PHF23: variants seen among roughly 807,000 people sequenced by gnomAD.
PHF23 encodes the protein PHD finger protein 23, also known as PDH-containing protein JUNE-1.
PHF23 carries 3 observed loss-of-function variants against 36.0 expected under a neutral mutation model. The ratio of observed to expected loss-of-function variants is 0.08; its 90% confidence interval spans 0.04 to 0.22. The LOEUF is 0.22. Ranked by LOEUF, PHF23 falls within the 10% of genes least tolerant of loss-of-function variation. The pLI, the probability that PHF23 is intolerant of heterozygous loss-of-function variation, is 1.00. For missense variants in PHF23, 475 were observed against 513.6 expected, an observed-to-expected ratio of 0.92 and a Z score of 0.73; for synonymous variants, 242 against 192.5, an observed-to-expected ratio of 1.26 and a Z score of -2.13.
intron 1 of PHF23, 28 bp from the exon 2 acceptor site, chr17:7,237,688 G>A (rs1214893506): frequency 6.2e-7 from 1 of 1,612,978 alleles, no homozygotes; most frequent in East Asian, 2.2e-5. Flanking sequence ...GCTGAGTCAA[G>A]ACACTAGGAA....
In PHF23 at chr17:7,235,842, TG is replaced by T; in HGVS notation, c.998-3del. 6.2e-7 allele frequency: 1 copy of T among 1,613,298 alleles called. No homozygotes were observed. The highest frequency in any genetic ancestry group is 8.5e-7 in the Non-Finnish European group (1 of 1,179,858). On this transcript the variant is annotated splice_region_variant and splice_polypyrimidine_tract_variant and intron_variant, in intron 4 of 4. Coordinates refer to ENST00000320316, the MANE Select transcript of PHF23 (RefSeq NM_024297.3). Reference sequence around the variant, plus strand: ...TGATCAGATCCCATGAGTCATCACCTGGGGAAAAAAAGGTTTGTTTGGTATT... The same window carrying T: ...TGATCAGATCCCATGAGTCATCACCTGGGAAAAAAAGGTTTGTTTGGTATT...
Position 7,235,454 on chromosome 17 carries a change from G to C in PHF23, c.*172C>G. The C allele has an allele frequency of 5.9e-6, 4 of 675,024 alleles. No individual in the cohort carries two copies. The South Asian group carries it at 7.3e-5, about 12-fold the overall frequency. The allele number at this position is 675,024 out of a possible 1,614,324, so 41.8% of individuals were successfully genotyped here. Reference sequence around the variant, plus strand: ...TTCAATTTCAAGTCCACAGAGTGGGGAGGAAGGATAGGGTGGGAAAGTGAG... The same window carrying C: ...TTCAATTTCAAGTCCACAGAGTGGGCAGGAAGGATAGGGTGGGAAAGTGAG... On this transcript the variant is annotated 3_prime_UTR_variant, in exon 5 of 5. Transcript: ENST00000320316.
upstream of PHF23, chr17:7,240,151 A>T (rs1456745289): frequency 6.6e-6 from 1 of 152,256 alleles, no homozygotes; most frequent in African/African-American, 2.4e-5. Flanking sequence ...ATTTTTTTTT[A>T]CATGAGCATT....
intron 1 of PHF23, chr17:7,237,988 G>T (rs929285362): frequency 7.2e-6 from 2 of 276,920 alleles, no homozygotes; most frequent in South Asian, 5.4e-5. Context: ...CGCTCCCGGG[G>T]CCGCGTCCGG....
Position 7,236,815 on chromosome 17 carries a change from C to A in PHF23, c.160-48G>T. On this transcript the variant is annotated intron_variant, in intron 3 of 4. Coordinates refer to ENST00000320316, the MANE Select transcript of PHF23 (RefSeq NM_024297.3). This position sits in a 1 kb window ranked among gnomAD's most constrained non-coding sequence, Gnocchi z 5.1. ...GGTCAGCAGAACCCCAGTGTCATCT[C>A]AGCCCCTCCACAAACCCAGCTTGAA... The A allele has an allele frequency of 6.4e-7, 1 of 1,550,540 alleles. No homozygotes were observed. The highest frequency in any genetic ancestry group is 8.7e-7 in the Non-Finnish European group (1 of 1,153,266).
At chr17:7,238,973 T>C in intron 1 of PHF23, 2 of 1,477,018 alleles carry the variant, frequency 1.4e-6, no homozygotes, top group Non-Finnish European at 1.8e-6. Context: ...AATCTGCCGG[T>C]GGCCCTTTCG....
chr17:7,237,671 A>C lies in PHF23; in HGVS notation c.35-11T>G. The stretch of plus-strand genomic sequence containing the variant: ...GGGTCGGAGGTGGATCTGGAAAAGC[A>C]ATAAAAGCTGAGTCAAGACACTAGG... On this transcript the variant is annotated splice_polypyrimidine_tract_variant and intron_variant, in intron 1 of 4. Coordinates refer to ENST00000320316, the MANE Select transcript of PHF23 (RefSeq NM_024297.3). 2.5e-6 allele frequency: 4 copies of C among 1,613,766 alleles called. No homozygotes were observed. Among genetic ancestry groups the C allele is most frequent in the Non-Finnish European group, 3.4e-6 (4 of 1,179,836 alleles).
chr17:7,237,648 G>A lies in PHF23; in HGVS notation c.47C>T (p.Thr16Ile), dbSNP rs752162300. 6 of 1,613,826 alleles carry A rather than the reference G, an allele frequency of 3.7e-6. No individual in the cohort carries two copies. Among genetic ancestry groups the A allele is most frequent in the African/African-American group, 1.3e-5 (1 of 74,886 alleles). The change falls in exon 2 of 5, where the codon ACC (threonine) becomes ATC (isoleucine). Residue 16 changes from threonine (T) to isoleucine (I), a missense_variant. Physicochemically the swap from Thr to Ile is moderately conservative, Grantham distance 89. Around this residue, in one of 5 missense-constraint regions of PHF23, gnomAD observed 54 missense variants for 42.0 expected, o/e 1.28. Coordinates refer to ENST00000320316, the MANE Select transcript of PHF23 (RefSeq NM_024297.3). ...CCTCACCTGAGTCTCTGGCTTAAGG[G>A]TCGGAGGTGGATCTGGAAAAGCAAT... The part of the protein sequence containing the change: ...AEPSPEDPPP[T>I]LKPETQPPEK...
At position 7,235,234 on chromosome 17, in the gene PHF23, G is replaced by A. The variant is rs151232927; in HGVS notation, c.*392C>T. On this transcript the variant is annotated 3_prime_UTR_variant, in exon 5 of 5. Transcript: ENST00000320316. ...CAAAATTAAAAATACAACCGGTGTA[G>A]AAGAAAATAAATGGGGAGTGAAATA... The A allele has an allele frequency of 1.9e-5, 5 of 258,332 alleles. No individual in the cohort carries two copies. Among genetic ancestry groups the A allele is most frequent in the African/African-American group, 4.4e-5 (2 of 45,512 alleles). 16.0% of individuals were successfully genotyped at this position (258,332 alleles called of 1,614,324 possible).
At chr17:7,239,803 AG>A (rs1447040705), upstream of PHF23, 1 of 152,682 alleles carries the variant, frequency 6.5e-6, no homozygotes, top group Non-Finnish European at 1.5e-5. Flanking sequence ...AAGAGGAAGA[AG>A]GGATTAGAAC....
rs2071637777 is a variant in PHF23 at position 7,235,470 on chromosome 17, GGAAAGTGA to G, written c.*148_*155del. On this transcript the variant is annotated 3_prime_UTR_variant, in exon 5 of 5. Transcript: ENST00000320316. The stretch of plus-strand genomic sequence containing the variant: ...CAGAGTGGGGAGGAAGGATAGGGTG[GGAAAGTGA>G]GACACTCATTTTCAAACAAGTCTCC... The G allele has an allele frequency of 1.3e-6, 1 of 753,354 alleles. No individual in the cohort carries two copies. The highest frequency in any genetic ancestry group is 2.2e-6 in the Non-Finnish European group (1 of 458,552). 46.7% of individuals were successfully genotyped at this position (753,354 alleles called of 1,614,324 possible). A position where few individuals can be genotyped will look rare whatever the true frequency, so the allele number is the denominator to read the frequency against.
chr17:7,240,654 A>G (rs986674699), upstream of PHF23: 8 of 553,110 alleles, frequency 1.4e-5, no homozygotes, highest in Middle Eastern at 9.2e-4. Context: ...AGGGGAAGAA[A>G]GGAGAAAGGA....
chr17:7,236,354 T>C lies in PHF23; in HGVS notation c.573A>G (p.Gly191=), dbSNP rs367583878. ...GAAGCACCCCAAAGCCAGCCCCAGCTCCTGGCCCCAACTTTCGGTTCTTTC... is the reference window on the plus strand; with the variant it reads ...GAAGCACCCCAAAGCCAGCCCCAGCCCCTGGCCCCAACTTTCGGTTCTTTC... ...KDRKNRKLGP[G]AGAGFGVLRR... Residue 191 remains glycine, a synonymous_variant, in exon 4 of 5, where the codon GGA becomes GGG. Coordinates refer to ENST00000320316, the MANE Select transcript of PHF23 (RefSeq NM_024297.3). The surrounding 1 kb of genome is among the most constrained non-coding windows in gnomAD (Gnocchi z 5.1). The C allele has an allele frequency of 5.0e-6, 8 of 1,614,096 alleles. No homozygotes were observed. Among genetic ancestry groups the C allele is most frequent in the Non-Finnish European group, 6.8e-6 (8 of 1,180,014 alleles).
rs1034247670 is a variant in PHF23, at chr17:7,238,924, G to A, written c.34+322C>T. On this transcript the variant is annotated intron_variant, in intron 1 of 4. Coordinates refer to ENST00000320316, the MANE Select transcript of PHF23 (RefSeq NM_024297.3). ...CGTCCTCCCTCCTGAGCAACTCTCC[G>A]GCCACTGGATTCCCCTAACCTTCCA... The A allele has an allele frequency of 3.3e-6, 5 of 1,523,458 alleles. 1 individual carries two copies. In the South Asian group the frequency reaches 3.6e-5, roughly 11 times the overall value. 94.4% of individuals were successfully genotyped at this position (1,523,458 alleles called of 1,614,324 possible).
Position 7,238,977 on chromosome 17 carries a change from C to T in PHF23, c.34+269G>A. On this transcript the variant is annotated intron_variant, in intron 1 of 4. Transcript: ENST00000320316. ...TCCAGGGCCCCAATCTGCCGGTGGC[C>T]CTTTCGGGCCCTAACCCCCGAGGCT... 2.0e-6 allele frequency: 3 copies of T among 1,471,768 alleles called. No homozygotes were observed. In the South Asian group the frequency reaches 4.1e-5, roughly 20 times the overall value. The allele number at this position is 1,471,768 out of a possible 1,614,324, so 91.2% of individuals were successfully genotyped here. A position where few individuals can be genotyped will look rare whatever the true frequency, so the allele number is the denominator to read the frequency against.
chr17:7,235,624 C>T lies in PHF23; in HGVS notation c.*2G>A. The T allele has an allele frequency of 3.7e-6, 6 of 1,612,718 alleles. No homozygotes were observed. The highest frequency in any genetic ancestry group is 2.2e-5 in the East Asian group (1 of 44,884). On this transcript the variant is annotated 3_prime_UTR_variant, in exon 5 of 5. Transcript: ENST00000320316. ...GGAAGTTCCAGGCTAAAGTTGGTGCCATCAGGGCTCTCCAGATTTGGGAGG... is the reference window on the plus strand; with the variant it reads ...GGAAGTTCCAGGCTAAAGTTGGTGCTATCAGGGCTCTCCAGATTTGGGAGG...
chr17:7,237,116 C>A (rs2071685231), intron 3 of PHF23, among the ~76,000 whole-genome samples: 1 of 152,176 alleles, frequency 6.6e-6, no homozygotes. Flanking sequence ...TAAACACCTT[C>A]CATTCACAGC....
chr17:7,238,992 C>A, intron 1 of PHF23: 3 of 1,457,494 alleles, frequency 2.1e-6, no homozygotes, highest in Non-Finnish European at 9.0e-7. Flanking sequence ...CGGGCCCTAA[C>A]CCCCGAGGCT....
chr17:7,238,506 C>A, intron 1 of PHF23: 1 of 957,576 alleles, frequency 1.0e-6, no homozygotes, highest in South Asian at 3.6e-5. Context: ...TCCCCCCAAC[C>A]AGCCACTCTC....
Sources: gnomAD v4.1 joint callset for allele counts (sites outside exome capture counted in the v4.1 genomes callset) on GRCh38, gnomAD v4.1.1 for gene constraint, gnomAD v4.1.1 regional missense constraint, Gnocchi (gnomAD v3.1) non-coding constraint, MANE v1.5 for transcripts, NCBI Gene and HGNC (gene_info 2026-07-23, HGNC 2026-07-21) for gene names.